NAALADL2: variants seen among roughly 807,000 people sequenced by gnomAD.
NAALADL2 encodes inactive N-acetylated-alpha-linked acidic dipeptidase-like protein 2.
Under a neutral mutation model 87.2 loss-of-function variants are expected in NAALADL2, and 76 were observed. That is an observed-to-expected ratio of 0.87 (90% confidence interval 0.72 to 1.05). The LOEUF is 1.05. NAALADL2 is among the 50% of genes least tolerant of loss of function. The probability of loss-of-function intolerance (pLI) is 0.00; values close to 1 mark genes in which losing one functional copy is unlikely to be tolerated. For synonymous variants in NAALADL2, 354 were observed against 331.0 expected, an observed-to-expected ratio of 1.07 and a Z score of -0.75; for missense variants, 1,089 against 945.8, an observed-to-expected ratio of 1.15 and a Z score of -1.99.
At chr3:175,087,967 T>C (rs1029678798) in intron 1 of NAALADL2, among the ~76,000 whole-genome samples, 1 of 151,806 alleles carries the variant, frequency 6.6e-6, no homozygotes, top group Non-Finnish European at 1.5e-5. Context: ...TTAAGTTTTA[T>C]ACTTTCTTAG....
chr3:175,613,122 A>G (rs1384666527), intron 10 of NAALADL2, among the ~76,000 whole-genome samples: 1 of 152,152 alleles, frequency 6.6e-6, no homozygotes, highest in African/African-American at 2.4e-5. Context: ...TTAAATAGTT[A>G]TAGAATCATC....
intron 1 of NAALADL2, among the ~76,000 whole-genome samples, chr3:174,935,518 TTAG>T (rs1215387994): frequency 6.6e-6 from 1 of 152,286 alleles, no homozygotes; most frequent in African/African-American, 2.4e-5. Context: ...TGCAATTGAA[TTAG>T]TAGTGGTGGA....
intron 2 of NAALADL2, among the ~76,000 whole-genome samples, chr3:174,674,501 C>T (rs571623565): frequency 6.6e-6 from 1 of 151,908 alleles, no homozygotes; most frequent in Non-Finnish European, 1.5e-5. Flanking sequence ...TCTACTCAAC[C>T]ACTCTTCCTT....
intron 2 of NAALADL2, among the ~76,000 whole-genome samples, chr3:175,187,630 A>G (rs1301226342): frequency 6.6e-6 from 1 of 152,148 alleles, no homozygotes; most frequent in African/African-American, 2.4e-5. Flanking sequence ...TTTATTCTTC[A>G]TTTGAAGACA....
intron 3 of NAALADL2, among the ~76,000 whole-genome samples, chr3:174,794,349 G>A (rs994545061): frequency 6.6e-6 from 1 of 151,820 alleles, no homozygotes; most frequent in Non-Finnish European, 1.5e-5. Context: ...AAAATTATTG[G>A]TTATATAAAT....
chr3:175,722,198 G>A (rs1008058562), intron 11 of NAALADL2, among the ~76,000 whole-genome samples: 2 of 152,042 alleles, frequency 1.3e-5, no homozygotes, highest in Non-Finnish European at 2.9e-5. Context: ...GCAAATTGAG[G>A]TGATAAAATC....
intron 10 of NAALADL2, among the ~76,000 whole-genome samples, chr3:175,576,908 A>T (rs896464209): frequency 6.6e-6 from 1 of 152,196 alleles, no homozygotes; most frequent in African/African-American, 2.4e-5. Flanking sequence ...AATGGCTGGA[A>T]AGTACGGTAA....
intron 1 of NAALADL2, among the ~76,000 whole-genome samples, chr3:174,882,940 A>T (rs1729610402): frequency 6.6e-6 from 1 of 151,426 alleles, no homozygotes; most frequent in African/African-American, 2.4e-5. Flanking sequence ...TATATATGGC[A>T]GATTATTAAG....
chr3:175,056,112 T>A (rs1438867644), intron 1 of NAALADL2, among the ~76,000 whole-genome samples: 1 of 152,102 alleles, frequency 6.6e-6, no homozygotes, highest in Admixed American at 6.6e-5. Context: ...AACTACTTTT[T>A]GCCCAGTGTC....
chr3:175,158,493 T>C (rs1380590141), intron 2 of NAALADL2, among the ~76,000 whole-genome samples: 1 of 152,116 alleles, frequency 6.6e-6, no homozygotes, highest in African/African-American at 2.4e-5. Context: ...GGAATAGAAC[T>C]TTTGGATTCC....
At chr3:174,555,251 T>C (rs137866959) in intron 2 of NAALADL2, among the ~76,000 whole-genome samples, 362 of 152,288 alleles carry the variant, frequency 2.4e-3, no homozygotes, top group African/African-American at 8.1e-3. Flanking sequence ...TTATTTAATA[T>C]AAGTTTTATG....
Position 174,518,085 on chromosome 3 carries a change from T to G in NAALADL2, c.-183-32484T>G, listed in dbSNP as rs1317001771. ...TGGAGAATGTATGCCCTATTTAAGATGAGTAATCACTAACCAGCTGTAGTC... is the reference window on the plus strand; with the variant it reads ...TGGAGAATGTATGCCCTATTTAAGAGGAGTAATCACTAACCAGCTGTAGTC... On this transcript the variant is annotated intron_variant, in intron 1 of 3. Transcript: ENST00000434257. 2.6e-5 allele frequency among the ~76,000 whole-genome samples: 4 copies of G among 152,048 alleles called. No individual in the cohort carries two copies. In the South Asian group the frequency reaches 8.3e-4, roughly 32 times the overall value.
chr3:174,843,293 C>T (rs1182719100), intron 3 of NAALADL2, among the ~76,000 whole-genome samples: 1 of 152,038 alleles, frequency 6.6e-6, no homozygotes, highest in Middle Eastern at 3.2e-3. Flanking sequence ...GTTCTACTCT[C>T]TGCTTCCATA....
At chr3:175,578,362 G>C (rs1279379745) in intron 10 of NAALADL2, among the ~76,000 whole-genome samples, 12 of 152,046 alleles carry the variant, frequency 7.9e-5, no homozygotes. Flanking sequence ...GAGCCCTGGA[G>C]GGGGAGGTTG....
chr3:175,564,336 C>T (rs530571386), intron 9 of NAALADL2, among the ~76,000 whole-genome samples: 11 of 151,996 alleles, frequency 7.2e-5, no homozygotes, highest in South Asian at 2.1e-4. Context: ...TTAAAAAATA[C>T]GTGATTTTTT....
intron 2 of NAALADL2, among the ~76,000 whole-genome samples, chr3:175,105,834 T>C (rs1723058248): frequency 6.6e-6 from 1 of 152,032 alleles, no homozygotes; most frequent in East Asian, 1.9e-4. Flanking sequence ...CTATAGTTTT[T>C]AATGACATTC....
chr3:175,152,910 A>T (rs1182995180), intron 2 of NAALADL2, among the ~76,000 whole-genome samples: 1 of 152,108 alleles, frequency 6.6e-6, no homozygotes, highest in Non-Finnish European at 1.5e-5. Flanking sequence ...CTGTCTCAAA[A>T]AAAAGAAAAA....
At chr3:175,092,988 T>C (rs1720425856) in intron 1 of NAALADL2, among the ~76,000 whole-genome samples, 1 of 151,898 alleles carries the variant, frequency 6.6e-6, no homozygotes, top group African/African-American at 2.4e-5. Flanking sequence ...ATGTCACAAG[T>C]TTCTATAAAT....
chr3:175,023,035 C>T (rs1005139018), intron 1 of NAALADL2, among the ~76,000 whole-genome samples: 2 of 151,856 alleles, frequency 1.3e-5, no homozygotes, highest in South Asian at 2.1e-4. Flanking sequence ...TCTGGTTGGT[C>T]GATTAGAAGA....
Sources: allele counts gnomAD v4.1 joint callset (sites outside exome capture counted in the v4.1 genomes callset), GRCh38; gene constraint gnomAD v4.1.1; transcripts MANE v1.5; gene names NCBI Gene and HGNC (gene_info 2026-07-23, HGNC 2026-07-21).